Variants in MTFR1 observed in about 807,000 individuals in gnomAD.
MTFR1 encodes chondrocyte protein with a poly-proline region.
A neutral mutation model predicts 38.8 loss-of-function variants in MTFR1; 28 were observed. The ratio of observed to expected loss-of-function variants is 0.72; its 90% CI spans 0.53 to 0.99. The LOEUF (loss-of-function observed/expected upper bound fraction) is 0.99, where lower values mean the gene tolerates loss of function less well. MTFR1 is among the 50% of genes least tolerant of loss of function. The pLI, the probability that MTFR1 is intolerant of heterozygous loss-of-function variation, is 0.00. For synonymous variants in MTFR1, 145 were observed against 137.0 expected, an observed-to-expected ratio of 1.06 and a Z score of -0.41; for missense variants, 358 against 395.5, an observed-to-expected ratio of 0.91 and a Z score of 0.81.
chr8:65,770,690 TATG>T (rs1342186416), intron 3 of MTFR1, among the ~76,000 whole-genome samples: 1 of 152,234 alleles, frequency 6.6e-6, no homozygotes, highest in Non-Finnish European at 1.5e-5. Context: ...AACATTTATA[TATG>T]ATGACTCCAT....
chr8:65,680,998 C>T (rs1409630720), intron 2 of MTFR1, among the ~76,000 whole-genome samples: 2 of 150,820 alleles, frequency 1.3e-5, no homozygotes, highest in East Asian at 2.0e-4. Flanking sequence ...CTGCAAGCTC[C>T]GCCTCCCGGG....
rs1435608356 is a variant in MTFR1 at position 65,670,026 on chromosome 8, C to G, written c.66+8C>G. On this transcript the variant is annotated splice_region_variant and intron_variant, in intron 2 of 7. Coordinates refer to ENST00000262146, the MANE Select transcript of MTFR1 (RefSeq NM_014637.4). ...GGAGTAAGCATGCAATCGGTGAGTG[C>G]TCAAAATTCATTTTTTAAATCCCGA... is the stretch of plus-strand genomic sequence containing the variant. The G allele has an allele frequency of 4.4e-6, 7 of 1,579,892 alleles. No individual in the cohort carries two copies. The highest frequency in any genetic ancestry group is 6.0e-6 in the Non-Finnish European group (7 of 1,170,632).
chr8:65,756,162 C>T (rs185321493), intron 3 of MTFR1, among the ~76,000 whole-genome samples: 1 of 152,164 alleles, frequency 6.6e-6, no homozygotes, highest in Non-Finnish European at 1.5e-5. Context: ...TTGTACAAGA[C>T]AAGTTGCTTC....
intron 3 of MTFR1, among the ~76,000 whole-genome samples, chr8:65,691,901 A>C (rs965493858): frequency 1.3e-5 from 2 of 152,232 alleles, no homozygotes; most frequent in Admixed American, 1.3e-4. Flanking sequence ...TGATATGTTT[A>C]AAGTTTTATT....
At chr8:65,650,846 A>T (rs1727458043) in intron 1 of MTFR1, among the ~76,000 whole-genome samples, 1 of 152,170 alleles carries the variant, frequency 6.6e-6, no homozygotes, top group South Asian at 2.1e-4. Flanking sequence ...GTCATATGGT[A>T]GCTCTATTTC....
At chr8:65,778,352 G>A in the MTFR1 span, among the ~76,000 whole-genome samples, 1 of 152,058 alleles carries the variant, frequency 6.6e-6, no homozygotes, top group Non-Finnish European at 1.5e-5. Flanking sequence ...AAAAATGTTG[G>A]CACCACACCT....
intron 1 of MTFR1, among the ~76,000 whole-genome samples, chr8:65,666,115 G>A (rs956461135): frequency 2.0e-5 from 3 of 152,142 alleles, no homozygotes; most frequent in Non-Finnish European, 2.9e-5. Flanking sequence ...TATTAAAATA[G>A]AAAACACCCA....
At chr8:65,660,079 C>G (rs757666435) in intron 1 of MTFR1, among the ~76,000 whole-genome samples, 1 of 151,996 alleles carries the variant, frequency 6.6e-6, no homozygotes, top group Non-Finnish European at 1.5e-5. Context: ...CACCTGAGGT[C>G]GGGAATTCAA....
At chr8:65,691,476 G>A (rs1358498771) in intron 3 of MTFR1, among the ~76,000 whole-genome samples, 4 of 152,030 alleles carry the variant, frequency 2.6e-5, no homozygotes, top group Non-Finnish European at 5.9e-5. Flanking sequence ...TTTTAGTAGA[G>A]ACAGGTGTTT....
intron 3 of MTFR1, among the ~76,000 whole-genome samples, chr8:65,759,479 C>G (rs1011900353): frequency 4.6e-5 from 7 of 152,152 alleles, no homozygotes; most frequent in Non-Finnish European, 8.8e-5. Flanking sequence ...GGCCACAGGG[C>G]TGAGGAATGG....
intron 2 of MTFR1, among the ~76,000 whole-genome samples, chr8:65,680,918 T>TTC (rs1804860700): frequency 7.0e-6 from 1 of 143,058 alleles, no homozygotes; most frequent in Admixed American, 7.0e-5. Context: ...TTTTTTTTTT[T>TTC]TTTTTGAGAC....
chr8:65,702,479 T>C (rs1805646204), intron 4 of MTFR1, among the ~76,000 whole-genome samples: 2 of 152,046 alleles, frequency 1.3e-5, no homozygotes, highest in South Asian at 4.1e-4. Flanking sequence ...TTTGTACTTT[T>C]AGTAGAGATG....
intron 4 of MTFR1, among the ~76,000 whole-genome samples, chr8:65,699,227 T>C (rs1299147371): frequency 6.6e-6 from 1 of 152,238 alleles, no homozygotes; most frequent in Non-Finnish European, 1.5e-5. Context: ...CACATTTTCT[T>C]TATCCAGTCT....
intron 3 of MTFR1, among the ~76,000 whole-genome samples, chr8:65,766,770 C>T (rs1261431714): frequency 6.6e-6 from 1 of 152,170 alleles, no homozygotes; most frequent in Non-Finnish European, 1.5e-5. Context: ...GGAGACCAAA[C>T]AGGTTAACGT....
chr8:65,704,725 G>A lies in MTFR1; in HGVS notation c.313G>A (p.Asp105Asn). Residue 105 changes from aspartate to asparagine, a missense_variant, in exon 5 of 8, where the codon GAT becomes AAT. Asp to Asn is a conservative substitution (Grantham distance 23). Transcript: ENST00000262146. ...TEVRSRPPLQ[D>N]DLLFFEKAPS... is the part of the protein sequence containing the mutation. ...GGTCAGATCAAGGCCACCCCTTCAGGATGACCTTCTTTTCTTTGAGAAGGC... is the reference window on the plus strand; with the variant it reads ...GGTCAGATCAAGGCCACCCCTTCAGAATGACCTTCTTTTCTTTGAGAAGGC... 6.2e-7 allele frequency: 1 copy of A among 1,614,044 alleles called. No individual in the cohort carries two copies. The highest frequency in any genetic ancestry group is 8.5e-7 in the Non-Finnish European group (1 of 1,179,996).
intron 3 of MTFR1, chr8:65,739,535 G>A: frequency 6.4e-7 from 1 of 1,568,544 alleles, no homozygotes; most frequent in South Asian, 1.2e-5. Context: ...ATATCTAAAT[G>A]GAAGTACTCA....
chr8:65,678,797 AT>A (rs1299845684), intron 2 of MTFR1, among the ~76,000 whole-genome samples: 1 of 152,088 alleles, frequency 6.6e-6, no homozygotes, highest in Non-Finnish European at 1.5e-5. Flanking sequence ...GCTAGATAGA[AT>A]TGCTGTAACC....
intron 3 of MTFR1, chr8:65,734,991 A>T: frequency 1.3e-6 from 1 of 778,246 alleles, no homozygotes; most frequent in Non-Finnish European, 2.3e-6. Flanking sequence ...CATACTTTTC[A>T]TGTAGCTATC....
chr8:65,761,140 A>G (rs1303198451), intron 3 of MTFR1, among the ~76,000 whole-genome samples: 2 of 151,626 alleles, frequency 1.3e-5, no homozygotes, highest in African/African-American at 4.9e-5. Context: ...GCTCACTGCA[A>G]CCTCCGCCTC....
Sources: allele counts gnomAD v4.1 joint callset (sites outside exome capture counted in the v4.1 genomes callset), GRCh38; gene constraint gnomAD v4.1.1; transcripts MANE v1.5; gene names NCBI Gene and HGNC (gene_info 2026-07-23, HGNC 2026-07-21).